NTM: variants seen among roughly 807,000 people sequenced by gnomAD.
NTM encodes the protein neurotrimin.
NTM carries 13 observed loss-of-function variants against 42.1 expected under a neutral mutation model. The observed-to-expected ratio is 0.31, with a 90% CI of 0.20 to 0.49. The LOEUF (loss-of-function observed/expected upper bound fraction) is 0.49, where lower values mean the gene tolerates loss of function less well. Among genes scored for constraint, NTM ranks in the 20% least tolerant of loss-of-function variants. The pLI is 0.99. For missense variants in NTM, 373 were observed against 452.8 expected (o/e 0.82, Z 1.60); for synonymous variants, 187 against 179.2 (o/e 1.04, Z -0.35).
intron 3 of NTM, among the ~76,000 whole-genome samples, chr11:132,189,755 C>A (rs1360324057): frequency 6.6e-6 from 1 of 152,036 alleles, no homozygotes; most frequent in African/African-American, 2.4e-5. Flanking sequence ...GTCATAGAAA[C>A]CTTTGCCAGA....
chr11:132,258,548 C>T (rs2092648213), intron 4 of NTM, among the ~76,000 whole-genome samples: 1 of 152,090 alleles, frequency 6.6e-6, no homozygotes, highest in Non-Finnish European at 1.5e-5. Flanking sequence ...TAGTGTTGTG[C>T]TTTGCCATAG....
chr11:132,104,575 G>GAC (rs1555263067), intron 2 of NTM, among the ~76,000 whole-genome samples: 6 of 87,326 alleles, frequency 6.9e-5, no homozygotes, highest in African/African-American at 1.1e-4. Context: ...AACATAGTGG[G>GAC]ACCCCCCCCC....
intron 1 of NTM, among the ~76,000 whole-genome samples, chr11:131,575,114 G>A (rs1412518030): frequency 1.3e-5 from 2 of 152,090 alleles, no homozygotes; most frequent in East Asian, 1.9e-4. Flanking sequence ...GGGGATAAAG[G>A]CTCCATAATT....
intron 1 of NTM, among the ~76,000 whole-genome samples, chr11:131,552,681 G>A (rs1353427813): frequency 2.0e-5 from 3 of 151,902 alleles, no homozygotes; most frequent in African/African-American, 7.3e-5. Context: ...AGCCGGGCAT[G>A]GTGGCGGGCG....
In NTM at chr11:132,170,583, A is replaced by G. The variant is rs114665726; in HGVS notation, c.400+24069A>G. Among the ~76,000 whole-genome samples, 642 of 152,340 alleles carry G rather than the reference A, an allele frequency of 4.2e-3. 7 individuals are homozygous for G. The highest frequency in any genetic ancestry group is 0.014 in the African/African-American group (596 of 41,564). Reference sequence around the variant, plus strand: ...CTATGAATTTTGAATCTTACTGTCTATGTAAATGTCTACAAGTTATAGGTC... The same window carrying G: ...CTATGAATTTTGAATCTTACTGTCTGTGTAAATGTCTACAAGTTATAGGTC... On this transcript the variant is annotated intron_variant, in intron 3 of 8. Coordinates refer to ENST00000683400, the MANE Select transcript of NTM (RefSeq NM_001352005.2).
At chr11:131,519,498 T>C (rs2049327988) in intron 1 of NTM, among the ~76,000 whole-genome samples, 2 of 147,004 alleles carry the variant, frequency 1.4e-5, no homozygotes, top group Admixed American at 1.3e-4. Context: ...AACCTGCTTG[T>C]TAGGGAGCTG....
chr11:132,255,659 A>G (rs974841742), intron 4 of NTM, among the ~76,000 whole-genome samples: 5 of 152,224 alleles, frequency 3.3e-5, no homozygotes, highest in African/African-American at 1.2e-4. Context: ...AAATAGACTC[A>G]GTCCTAATGC....
intron 2 of NTM, among the ~76,000 whole-genome samples, chr11:131,949,359 A>G (rs545649533): frequency 3.9e-5 from 6 of 152,238 alleles, no homozygotes; most frequent in African/African-American, 1.2e-4. Flanking sequence ...TTGATTTCCA[A>G]TTGTTCCTCA....
intron 3 of NTM, among the ~76,000 whole-genome samples, chr11:132,156,603 T>A (rs998711090): frequency 2.0e-5 from 3 of 152,258 alleles, no homozygotes; most frequent in Non-Finnish European, 2.9e-5. Flanking sequence ...GCCTGGAATT[T>A]AATAGAGCTC....
chr11:131,874,821 C>T (rs1055595867), intron 1 of NTM, among the ~76,000 whole-genome samples: 1 of 152,152 alleles, frequency 6.6e-6, no homozygotes, highest in Non-Finnish European at 1.5e-5. Flanking sequence ...ATCATAATAC[C>T]AATTCTCAAC....
chr11:131,397,115 G>C (rs1419590515), intron 1 of NTM, among the ~76,000 whole-genome samples: 1 of 152,162 alleles, frequency 6.6e-6, no homozygotes, highest in African/African-American at 2.4e-5. Flanking sequence ...ACATGCCCCA[G>C]AGTTGAGTGC....
intron 2 of NTM, among the ~76,000 whole-genome samples, chr11:132,131,854 G>A (rs1017789437): frequency 6.6e-6 from 1 of 152,130 alleles, no homozygotes; most frequent in African/African-American, 2.4e-5. Context: ...ACTGCCTGGT[G>A]TTCAGAAGAT....
chr11:131,515,047 T>C (rs2048721632), intron 1 of NTM, among the ~76,000 whole-genome samples: 2 of 152,166 alleles, frequency 1.3e-5, no homozygotes, highest in African/African-American at 4.8e-5. Context: ...TAGCTGGAAC[T>C]ACTACCAGCA....
chr11:131,789,651 GAAGAAGAAGAA>G (rs2090532261), intron 1 of NTM, among the ~76,000 whole-genome samples: 1 of 137,672 alleles, frequency 7.3e-6, no homozygotes, highest in African/African-American at 2.7e-5. Context: ...AGAAGAAGAA[GAAGAAGAAGAA>G]GAAGAAAGCA....
chr11:132,149,190 G>A (rs1310934574), intron 3 of NTM, among the ~76,000 whole-genome samples: 24 of 130,932 alleles, frequency 1.8e-4, no homozygotes, highest in Non-Finnish European at 1.6e-5. Flanking sequence ...AGATTCTTGT[G>A]TTTCTGTATT....
At chr11:131,643,072 AG>A (rs903863530) in intron 1 of NTM, among the ~76,000 whole-genome samples, 1 of 151,470 alleles carries the variant, frequency 6.6e-6, no homozygotes, top group South Asian at 2.1e-4. Flanking sequence ...AAAACTCAGA[AG>A]GGGGGAATGA....
intron 1 of NTM, among the ~76,000 whole-genome samples, chr11:131,440,544 C>G (rs959543168): frequency 6.6e-6 from 1 of 152,076 alleles, no homozygotes; most frequent in African/African-American, 2.4e-5. Context: ...ACACAGTCTG[C>G]TAGGTCCCTG....
intron 3 of NTM, among the ~76,000 whole-genome samples, chr11:132,165,290 A>G (rs557738385): frequency 6.6e-6 from 1 of 152,276 alleles, no homozygotes; most frequent in South Asian, 2.1e-4. Flanking sequence ...CTCAAGATAG[A>G]TAGAGGACTA....
At chr11:132,279,274 A>G (rs1163106796) in intron 4 of NTM, among the ~76,000 whole-genome samples, 1 of 152,188 alleles carries the variant, frequency 6.6e-6, no homozygotes, top group Admixed American at 6.5e-5. Context: ...CCTGAGGCAC[A>G]TATTATCTCT....
Sources: gnomAD v4.1 joint callset for allele counts (sites outside exome capture counted in the v4.1 genomes callset) on GRCh38, gnomAD v4.1.1 for gene constraint, MANE v1.5 for transcripts, NCBI Gene and HGNC (gene_info 2026-07-23, HGNC 2026-07-21) for gene names.